The following LRRTM4 variants were observed in gnomAD, a reference collection of about 807,000 sequenced individuals.
The protein encoded by LRRTM4 is leucine-rich repeat transmembrane neuronal protein 4.
In LRRTM4, 25 loss-of-function variants were observed where a neutral mutation model predicts 47.6. The ratio of observed to expected loss-of-function variants is 0.53; its 90% CI spans 0.38 to 0.73. The LOEUF (loss-of-function observed/expected upper bound fraction) is 0.73, where lower values mean the gene tolerates loss of function less well. Among genes scored for constraint, LRRTM4 ranks in the 30% least tolerant of loss-of-function variants. The probability of loss-of-function intolerance (pLI) is 0.00; values close to 1 mark genes in which losing one functional copy is unlikely to be tolerated. For synonymous variants in LRRTM4, 311 were observed against 269.5 expected (o/e 1.15, Z -1.51); for missense variants, 638 against 713.4 (o/e 0.89, Z 1.20).
intron 3 of LRRTM4, among the ~76,000 whole-genome samples, chr2:77,157,578 T>C: frequency 6.6e-6 from 1 of 152,116 alleles, no homozygotes; most frequent in East Asian, 1.9e-4. Context: ...TTTTTTTTGA[T>C]ACTGATATTT....
chr2:77,395,097 C>T (rs573843272), intron 3 of LRRTM4, among the ~76,000 whole-genome samples: 12 of 151,176 alleles, frequency 7.9e-5, no homozygotes, highest in African/African-American at 2.7e-4. Flanking sequence ...CTTGTTTATA[C>T]TTTGGCATCT....
chr2:77,027,462 A>C (rs1678494242), intron 3 of LRRTM4, among the ~76,000 whole-genome samples: 1 of 152,142 alleles, frequency 6.6e-6, no homozygotes, highest in South Asian at 2.1e-4. Flanking sequence ...AAATTCTCCT[A>C]ATCTCAATAG....
chr2:77,162,279 G>A (rs558577972), intron 3 of LRRTM4, among the ~76,000 whole-genome samples: 16 of 152,296 alleles, frequency 1.1e-4, no homozygotes, highest in South Asian at 4.1e-4. Context: ...GGGGTGGGGC[G>A]TCTGCCATTG....
intron 3 of LRRTM4, among the ~76,000 whole-genome samples, chr2:76,915,568 C>G (rs1177921568): frequency 6.6e-6 from 1 of 152,134 alleles, no homozygotes; most frequent in Non-Finnish European, 1.5e-5. Flanking sequence ...ACCTTTGTCA[C>G]TTAAGTAAAT....
chr2:77,473,515 CG>C (rs940704752), intron 3 of LRRTM4, among the ~76,000 whole-genome samples: 5 of 151,962 alleles, frequency 3.3e-5, no homozygotes, highest in African/African-American at 9.7e-5. Context: ...TAGAAATGAG[CG>C]GGGCTGGTGC....
At chr2:77,336,905 T>C (rs1458368764) in intron 3 of LRRTM4, among the ~76,000 whole-genome samples, 2 of 152,000 alleles carry the variant, frequency 1.3e-5, no homozygotes, top group Non-Finnish European at 2.9e-5. Context: ...GACATCCAAA[T>C]AAGAAAAGAA....
chr2:77,311,269 T>C (rs1472670815), intron 3 of LRRTM4, among the ~76,000 whole-genome samples: 2 of 152,200 alleles, frequency 1.3e-5, no homozygotes, highest in Non-Finnish European at 2.9e-5. Context: ...CTGAGTTTTC[T>C]TGGAAAAAAT....
At chr2:77,105,863 T>G (rs1671080724) in intron 3 of LRRTM4, among the ~76,000 whole-genome samples, 1 of 152,192 alleles carries the variant, frequency 6.6e-6, no homozygotes, top group Non-Finnish European at 1.5e-5. Flanking sequence ...GCTTGAAATC[T>G]TACAAGATAA....
At chr2:77,067,493 G>C (rs1679994315) in intron 3 of LRRTM4, among the ~76,000 whole-genome samples, 1 of 151,876 alleles carries the variant, frequency 6.6e-6, no homozygotes, top group East Asian at 1.9e-4. Flanking sequence ...GAGACAATGA[G>C]TTCAAATGTA....
In LRRTM4 at chr2:77,245,294, C is replaced by G. The variant is rs556058825; in HGVS notation, c.1551+273024G>C. On this transcript the variant is annotated intron_variant, in intron 3 of 3. Coordinates refer to ENST00000409884, the MANE Select transcript of LRRTM4 (RefSeq NM_001134745.3). ...AGGCCGGGTGCCTCATGCCTGTAAT[C>G]CTAGCACTTTGGGAAGCTGAGGTGG... is the stretch of plus-strand genomic sequence containing the variant. 7.8e-4 allele frequency among the ~76,000 whole-genome samples: 118 copies of G among 152,022 alleles called. 2 individuals carry two copies. The highest frequency in any genetic ancestry group is 2.8e-3 in the African/African-American group (115 of 41,464).
intron 3 of LRRTM4, among the ~76,000 whole-genome samples, chr2:77,125,320 C>G (rs1439367837): frequency 6.6e-6 from 1 of 152,118 alleles, no homozygotes; most frequent in Non-Finnish European, 1.5e-5. Flanking sequence ...TATATGACAT[C>G]TGATGAAAAA....
At chr2:77,006,886 C>T (rs1677672234) in intron 3 of LRRTM4, among the ~76,000 whole-genome samples, 1 of 152,016 alleles carries the variant, frequency 6.6e-6, no homozygotes, top group African/African-American at 2.4e-5. Flanking sequence ...TCGTTAAGTC[C>T]AGAGGACAGC....
chr2:77,407,707 T>TATA (rs1234238901), intron 3 of LRRTM4, among the ~76,000 whole-genome samples: 2 of 131,624 alleles, frequency 1.5e-5, no homozygotes, highest in Non-Finnish European at 3.1e-5. Flanking sequence ...ATATATATAA[T>TATA]ATATCATATA....
At chr2:77,273,027 C>T (rs1676247851) in intron 3 of LRRTM4, among the ~76,000 whole-genome samples, 1 of 151,896 alleles carries the variant, frequency 6.6e-6, no homozygotes, top group African/African-American at 2.4e-5. Flanking sequence ...TAGTGAATTC[C>T]ATCTTAATAT....
Position 77,519,780 on chromosome 2 carries a change from G to C in LRRTM4, c.89C>G (p.Ala30Gly). Residue 30 changes from alanine to glycine, a missense_variant, in exon 3 of 4, where the codon GCT becomes GGT. Ala to Gly is a moderately conservative substitution (Grantham distance 60, BLOSUM62 0). Coordinates refer to ENST00000409884, the MANE Select transcript of LRRTM4 (RefSeq NM_001134745.3). The surrounding 1 kb of genome is among the most constrained non-coding windows in gnomAD (Gnocchi z 4.6). ...PTLLLVMLTG[A>G]QRACPKNCRC... Reference sequence around the variant, plus strand: ...GCAGTTCTTTGGGCAAGCTCTCTGAGCACCCGTGAGCATAACAAGCAGCAG... The same window carrying C: ...GCAGTTCTTTGGGCAAGCTCTCTGACCACCCGTGAGCATAACAAGCAGCAG... The C allele has an allele frequency of 6.2e-7, 1 of 1,613,104 alleles. No homozygotes were observed.
intron 3 of LRRTM4, among the ~76,000 whole-genome samples, chr2:77,160,680 T>G (rs1672701193): frequency 6.6e-6 from 1 of 151,938 alleles, no homozygotes; most frequent in Admixed American, 6.6e-5. Flanking sequence ...AAAATAAGAG[T>G]AGTCTTGATC....
intron 3 of LRRTM4, among the ~76,000 whole-genome samples, chr2:77,014,739 G>C (rs1307113825): frequency 6.6e-6 from 1 of 152,102 alleles, no homozygotes; most frequent in African/African-American, 2.4e-5. Context: ...TTGAACCTGG[G>C]AGGTGGAGGT....
At chr2:76,925,373 C>A (rs1180268397) in intron 3 of LRRTM4, among the ~76,000 whole-genome samples, 1 of 152,106 alleles carries the variant, frequency 6.6e-6, no homozygotes, top group Non-Finnish European at 1.5e-5. Context: ...AGGACCAAGC[C>A]TTTAACAAAA....
At chr2:76,797,292 G>T (rs1234439477) in intron 3 of LRRTM4, among the ~76,000 whole-genome samples, 1 of 152,068 alleles carries the variant, frequency 6.6e-6, no homozygotes, top group African/African-American at 2.4e-5. Context: ...CAAGCCAGAA[G>T]AGAGTGGGGG....
Sources: allele counts gnomAD v4.1 joint callset (sites outside exome capture counted in the v4.1 genomes callset), GRCh38; gene constraint gnomAD v4.1.1; non-coding constraint Gnocchi (gnomAD v3.1); transcripts MANE v1.5; gene names NCBI Gene and HGNC (gene_info 2026-07-23, HGNC 2026-07-21).